Variants in COL24A1 observed in about 807,000 individuals in gnomAD.
COL24A1 encodes collagen type XXIV alpha 1 chain.
A neutral mutation model predicts 253.9 loss-of-function variants in COL24A1; 224 were observed. The observed-to-expected ratio is 0.88, with a 90% confidence interval of 0.79 to 0.99. The LOEUF is 0.99. Ranked by LOEUF, COL24A1 falls within the 50% of genes least tolerant of loss-of-function variation. The pLI is 0.00. For missense variants in COL24A1, 2,131 were observed against 2,068.5 expected (o/e 1.03, Z -0.59); for synonymous variants, 685 against 673.7 (o/e 1.02, Z -0.26).
chr1:86,054,229 G>A (rs182595072), intron 10 of COL24A1, among the ~76,000 whole-genome samples: 11 of 152,022 alleles, frequency 7.2e-5, no homozygotes, highest in Admixed American at 3.9e-4. Context: ...TCTGGACACC[G>A]GCCTAGGCAA....
At chr1:85,955,286 C>G (rs920035002) in intron 24 of COL24A1, among the ~76,000 whole-genome samples, 2 of 152,196 alleles carry the variant, frequency 1.3e-5, no homozygotes, top group African/African-American at 4.8e-5. Context: ...GGCTCCCCAT[C>G]TGGCTTGCTG....
chr1:85,935,112 A>G (rs989031855), intron 24 of COL24A1, among the ~76,000 whole-genome samples: 3 of 152,196 alleles, frequency 2.0e-5, no homozygotes, highest in African/African-American at 4.8e-5. Context: ...TAAAGTAACT[A>G]TATCCTATTT....
At chr1:86,035,525 C>CCA (rs1698928553) in intron 12 of COL24A1, among the ~76,000 whole-genome samples, 1 of 151,960 alleles carries the variant, frequency 6.6e-6, no homozygotes, top group Non-Finnish European at 1.5e-5. Context: ...ATAGGCAAAT[C>CCA]CACAGGGACA....
At chr1:85,950,484 T>C (rs989817870) in intron 24 of COL24A1, among the ~76,000 whole-genome samples, 5 of 152,060 alleles carry the variant, frequency 3.3e-5, no homozygotes, top group Non-Finnish European at 7.4e-5. Context: ...GGGGGTGAAT[T>C]GAATTTTAGA....
In COL24A1 at chr1:85,783,564, C is replaced by T; in HGVS notation, c.4222-6G>A. On this transcript the variant is annotated splice_region_variant and splice_polypyrimidine_tract_variant and intron_variant, in intron 50 of 59. Coordinates refer to ENST00000370571, the MANE Select transcript of COL24A1 (RefSeq NM_152890.7). ...CCAGCATCCCCTTCAGGACCCTAGA[C>T]ATACAATAAGAAACAAAAAGATAAA... The T allele has an allele frequency of 1.9e-6, 3 of 1,612,654 alleles. No homozygotes were observed. The highest frequency in any genetic ancestry group is 2.5e-6 in the Non-Finnish European group (3 of 1,179,016).
At chr1:85,825,421 T>A (rs945298646) in intron 43 of COL24A1, among the ~76,000 whole-genome samples, 1 of 152,186 alleles carries the variant, frequency 6.6e-6, no homozygotes, top group East Asian at 1.9e-4. Context: ...TGATTTATAG[T>A]CCTTTGGTTA....
chr1:85,881,581 C>T (rs534965632), intron 32 of COL24A1, among the ~76,000 whole-genome samples: 5 of 152,014 alleles, frequency 3.3e-5, no homozygotes, highest in East Asian at 1.9e-4. Context: ...GCTGAGATCA[C>T]GCCACTGCAT....
chr1:86,067,089 A>C (rs566751749), intron 7 of COL24A1, among the ~76,000 whole-genome samples: 26 of 152,028 alleles, frequency 1.7e-4, no homozygotes, highest in African/African-American at 6.3e-4. Context: ...CAGTGAGCCG[A>C]GATTGCGCCA....
At chr1:85,879,756 C>T (rs544462613) in intron 32 of COL24A1, among the ~76,000 whole-genome samples, 18 of 152,166 alleles carry the variant, frequency 1.2e-4, no homozygotes, top group Non-Finnish European at 2.4e-4. Flanking sequence ...TCATTGTCTC[C>T]ATGCTGAGTA....
chr1:85,849,353 C>T lies in COL24A1; in HGVS notation c.3354G>A (p.Lys1118=). 2.5e-6 allele frequency: 4 copies of T among 1,611,200 alleles called. No homozygotes were observed. The highest frequency in any genetic ancestry group is 3.4e-6 in the Non-Finnish European group (4 of 1,178,208). Residue 1118 remains lysine (K), a splice_region_variant and synonymous_variant, in exon 38 of 60, where the codon AAG becomes AAA. Transcript: ENST00000370571. ...IPGQRGRPGK[K]GDKGQIGPTG... ...TGCATAAGAAGATGTAAAAAATTAC[C>T]TTTTTTCCTGGACGACCTCTTTGCC... is the stretch of plus-strand genomic sequence containing the variant.
At chr1:85,982,722 A>C (rs1693374060) in intron 20 of COL24A1, among the ~76,000 whole-genome samples, 1 of 152,000 alleles carries the variant, frequency 6.6e-6, no homozygotes, top group South Asian at 2.1e-4. Flanking sequence ...TCACTTATGA[A>C]GGGCTCATGT....
At chr1:86,031,278 G>C (rs1015908869) in intron 14 of COL24A1, among the ~76,000 whole-genome samples, 1 of 151,918 alleles carries the variant, frequency 6.6e-6, no homozygotes, top group Non-Finnish European at 1.5e-5. Flanking sequence ...TAAAAGGTAT[G>C]ATAAATAGGT....
chr1:85,832,191 C>A (rs1037900135), intron 43 of COL24A1, among the ~76,000 whole-genome samples: 5 of 152,054 alleles, frequency 3.3e-5, no homozygotes, highest in African/African-American at 1.2e-4. Context: ...GGAATCCTTT[C>A]CCCATTGCTC....
intron 5 of COL24A1, among the ~76,000 whole-genome samples, chr1:86,111,638 T>A (rs1705619915): frequency 6.6e-6 from 1 of 152,100 alleles, no homozygotes; most frequent in African/African-American, 2.4e-5. Flanking sequence ...TTGGGTCCCC[T>A]TCCACACTGT....
intron 53 of COL24A1, among the ~76,000 whole-genome samples, chr1:85,771,961 C>T (rs967487825): frequency 1.4e-5 from 2 of 144,230 alleles, no homozygotes; most frequent in African/African-American, 2.6e-5. Context: ...ACCCCCACCC[C>T]ACCACAGTCC....
intron 5 of COL24A1, among the ~76,000 whole-genome samples, chr1:86,105,282 G>A (rs1367369784): frequency 6.6e-6 from 1 of 152,202 alleles, no homozygotes; most frequent in East Asian, 1.9e-4. Context: ...GAACAAGGAA[G>A]GCAAGATCTG....
chr1:86,024,570 A>T lies in COL24A1; in HGVS notation c.2050-1563T>A, dbSNP rs567579724. On this transcript the variant is annotated intron_variant, in intron 14 of 59. Coordinates refer to ENST00000370571, the MANE Select transcript of COL24A1 (RefSeq NM_152890.7). ...ACAGCTAAGATAAATTATTTCTAAC[A>T]TGTTTAATCCTGAAATATATAACAC... Among the ~76,000 whole-genome samples, 62 of 152,302 alleles carry T rather than the reference A, an allele frequency of 4.1e-4. 1 individual carries two copies. In the South Asian group the frequency reaches 0.013, roughly 31 times the overall value.
Position 85,773,418 on chromosome 1 carries a change from T to C in COL24A1, c.4374+2256A>G, listed in dbSNP as rs563264593. On this transcript the variant is annotated intron_variant, in intron 53 of 59. Coordinates refer to ENST00000370571, the MANE Select transcript of COL24A1 (RefSeq NM_152890.7). ...CCAATTCTGTGAAGTAAGTCATTGG[T>C]AGCTTGATGGGGATAGCATTGAATC... Among the ~76,000 whole-genome samples, 11 of 152,346 alleles carry C rather than the reference T, an allele frequency of 7.2e-5. No individual in the cohort carries two copies. The South Asian group carries it at 1.9e-3, about 26-fold the overall frequency.
intron 39 of COL24A1, among the ~76,000 whole-genome samples, chr1:85,844,414 C>A (rs1317746233): frequency 6.6e-6 from 1 of 151,940 alleles, no homozygotes; most frequent in Non-Finnish European, 1.5e-5. Flanking sequence ...GCCAAAGTGG[C>A]ACTCAAAAGG....
Sources: allele counts gnomAD v4.1 joint callset (sites outside exome capture counted in the v4.1 genomes callset), GRCh38; gene constraint gnomAD v4.1.1; transcripts MANE v1.5; gene names NCBI Gene and HGNC (gene_info 2026-07-23, HGNC 2026-07-21).